Variants in FARS2 observed in about 807,000 individuals in gnomAD.
FARS2 encodes the protein phenylalanyl-tRNA synthetase 2, mitochondrial.
In FARS2, 40 loss-of-function variants were observed where a neutral mutation model predicts 46.4. The ratio of observed to expected loss-of-function variants is 0.86; its 90% CI spans 0.67 to 1.12. The LOEUF (loss-of-function observed/expected upper bound fraction) is 1.12. Ranked by LOEUF, FARS2 falls within the 50% of genes most tolerant of loss-of-function variation. The pLI is 0.00. For missense variants in FARS2, 513 were observed against 567.9 expected (o/e 0.90, Z 0.98); for synonymous variants, 234 against 214.9 (o/e 1.09, Z -0.78).
chr6:5,510,766 C>G (rs1267257466), intron 4 of FARS2, among the ~76,000 whole-genome samples: 2 of 152,160 alleles, frequency 1.3e-5, no homozygotes, highest in African/African-American at 4.8e-5. Flanking sequence ...CCACCCACCC[C>G]CCTCTTGTCC....
intron 1 of FARS2, among the ~76,000 whole-genome samples, chr6:5,321,693 A>G (rs906095393): frequency 1.3e-5 from 2 of 152,206 alleles, no homozygotes; most frequent in African/African-American, 4.8e-5. Context: ...TGTACCATAT[A>G]AAGTGCTTAA....
At chr6:5,349,408 A>G (rs116343495) in intron 1 of FARS2, among the ~76,000 whole-genome samples, 3,745 of 152,300 alleles carry the variant, frequency 0.025, 140 homozygotes, top group African/African-American at 0.084. Flanking sequence ...TCCCTAATTG[A>G]CTTGTAGGTT....
chr6:5,613,389 C>A, intron 6 of FARS2, 69 bp downstream of exon 6: 1 of 1,456,620 alleles, frequency 6.9e-7, no homozygotes. Context: ...GGAAGCATAT[C>A]ATAAAATTTG....
chr6:5,562,354 G>A (rs1004244128), intron 5 of FARS2, among the ~76,000 whole-genome samples: 1 of 152,082 alleles, frequency 6.6e-6, no homozygotes. Context: ...ATTGTCACCA[G>A]GTTAGTGGGG....
At chr6:5,627,248 C>T (rs1460595033) in intron 6 of FARS2, among the ~76,000 whole-genome samples, 1 of 152,220 alleles carries the variant, frequency 6.6e-6, no homozygotes. Context: ...TTGTGTTATA[C>T]TTCTCGGGAA....
intron 6 of FARS2, among the ~76,000 whole-genome samples, chr6:5,614,495 C>T (rs1022479455): frequency 2.0e-5 from 3 of 151,496 alleles, no homozygotes; most frequent in African/African-American, 7.3e-5. Flanking sequence ...CTGCAAGCTC[C>T]GCCTCCCAGG....
At chr6:5,482,437 CT>C (rs1344748412) in intron 4 of FARS2, among the ~76,000 whole-genome samples, 3 of 152,122 alleles carry the variant, frequency 2.0e-5, no homozygotes, top group African/African-American at 7.2e-5. Context: ...AGAGTGGGCC[CT>C]TTTTCCTGAG....
rs1223627114 is a variant in FARS2 at position 5,343,365 on chromosome 6, C to T, written c.-21-25185C>T. Among the ~76,000 whole-genome samples, 1 of 152,088 alleles carries T rather than the reference C, an allele frequency of 6.6e-6. No homozygotes were observed. The highest frequency in any genetic ancestry group is 2.4e-5 in the African/African-American group (1 of 41,398). On this transcript the variant is annotated intron_variant, in intron 1 of 6. Coordinates refer to ENST00000274680, the MANE Select transcript of FARS2 (RefSeq NM_006567.5). The surrounding 1 kb of genome is among the most constrained non-coding windows in gnomAD (Gnocchi z 4.5). The stretch of plus-strand genomic sequence containing the variant: ...TAGCTGGGATTACAGGTGCACGCCA[C>T]CACGCCCAGCTAATTTTTGTATTTT...
chr6:5,387,511 GGA>G (rs1307529166), intron 2 of FARS2, among the ~76,000 whole-genome samples: 1 of 152,140 alleles, frequency 6.6e-6, no homozygotes, highest in Non-Finnish European at 1.5e-5. Flanking sequence ...AGCGTGGGAG[GGA>G]TAGACATTTT....
chr6:5,760,058 A>G (rs1762404006), intron 6 of FARS2, among the ~76,000 whole-genome samples: 1 of 152,114 alleles, frequency 6.6e-6, no homozygotes, highest in Admixed American at 6.5e-5. Flanking sequence ...AGATGGTGCA[A>G]TTAATTAGAC....
At chr6:5,410,682 T>C (rs759144813) in intron 3 of FARS2, among the ~76,000 whole-genome samples, 1 of 152,240 alleles carries the variant, frequency 6.6e-6, no homozygotes, top group African/African-American at 2.4e-5. Context: ...TGTGAAACCC[T>C]GTGCTAAGCA....
At chr6:5,709,706 A>C (rs542025010) in intron 6 of FARS2, among the ~76,000 whole-genome samples, 1 of 28,488 alleles carries the variant, frequency 3.5e-5, no homozygotes, top group South Asian at 1.5e-3. Flanking sequence ...GTGCGCATGC[A>C]CGTGCATGTT....
At chr6:5,650,211 G>T (rs1777280790) in intron 6 of FARS2, among the ~76,000 whole-genome samples, 1 of 151,292 alleles carries the variant, frequency 6.6e-6, no homozygotes, top group Non-Finnish European at 1.5e-5. Context: ...GAATCTTCAA[G>T]GTCTAATGGT....
intron 1 of FARS2, among the ~76,000 whole-genome samples, chr6:5,308,129 CT>C (rs56667354): frequency 0.27 from 40,282 of 151,256 alleles, 8,422 homozygotes; most frequent in African/African-American, 0.59. Context: ...TTCTTCCTCT[CT>C]TTTTTTTTGA....
chr6:5,498,681 A>C (rs1026206071), intron 4 of FARS2, among the ~76,000 whole-genome samples: 2 of 152,172 alleles, frequency 1.3e-5, no homozygotes, highest in African/African-American at 4.8e-5. Context: ...TAACTCCTCT[A>C]TACCTCCTCA....
chr6:5,434,543 T>A (rs1211154293), intron 4 of FARS2, among the ~76,000 whole-genome samples: 1 of 152,254 alleles, frequency 6.6e-6, no homozygotes, highest in Non-Finnish European at 1.5e-5. Context: ...TTCTGCTCTG[T>A]GTTCTCAAAT....
intron 4 of FARS2, among the ~76,000 whole-genome samples, chr6:5,491,511 C>T (rs895733985): frequency 2.0e-5 from 3 of 152,132 alleles, no homozygotes; most frequent in Admixed American, 6.5e-5. Flanking sequence ...TGGTAATCCT[C>T]CAGCCTGCAC....
chr6:5,351,217 A>G (rs1475322619), intron 1 of FARS2, among the ~76,000 whole-genome samples: 1 of 152,216 alleles, frequency 6.6e-6, no homozygotes, highest in Non-Finnish European at 1.5e-5. Context: ...GATACCAGCT[A>G]CCTGCTTTTG....
At chr6:5,555,190 AC>A (rs911364874) in intron 5 of FARS2, among the ~76,000 whole-genome samples, 1 of 151,952 alleles carries the variant, frequency 6.6e-6, no homozygotes, top group Non-Finnish European at 1.5e-5. Context: ...TTCTCTTGTC[AC>A]CACCACATAA....
Sources: gnomAD v4.1 joint callset for allele counts (sites outside exome capture counted in the v4.1 genomes callset) on GRCh38, gnomAD v4.1.1 for gene constraint, Gnocchi (gnomAD v3.1) non-coding constraint, MANE v1.5 for transcripts, NCBI Gene and HGNC (gene_info 2026-07-23, HGNC 2026-07-21) for gene names.